Variants in DACH1 observed in about 807,000 individuals in gnomAD.
DACH1 encodes the protein dachshund homolog 1.
In DACH1, 12 loss-of-function variants were observed where a neutral mutation model predicts 54.2. The ratio of observed to expected loss-of-function variants is 0.22; its 90% CI spans 0.14 to 0.36. DACH1 has a LOEUF of 0.36. DACH1 is among the 10% of genes least tolerant of loss of function. The pLI is 1.00. For missense variants in DACH1, 805 were observed against 929.8 expected, an observed-to-expected ratio of 0.87 and a Z score of 1.75; for synonymous variants, 386 against 366.2, an observed-to-expected ratio of 1.05 and a Z score of -0.62.
intron 1 of DACH1, among the ~76,000 whole-genome samples, chr13:71,860,250 A>C (rs149186349): frequency 4.6e-5 from 7 of 151,504 alleles, no homozygotes; most frequent in Admixed American, 2.0e-4. Context: ...ATGCATGCAG[A>C]TATACATCTC....
intron 8 of DACH1, among the ~76,000 whole-genome samples, chr13:71,476,234 C>T (rs185409526): frequency 1.1e-3 from 167 of 152,230 alleles, no homozygotes; most frequent in Middle Eastern, 6.8e-3. Flanking sequence ...ATAGTGCAAA[C>T]GCTTATAAGC....
chr13:71,849,281 C>G (rs1018304026), intron 1 of DACH1, among the ~76,000 whole-genome samples: 2 of 152,156 alleles, frequency 1.3e-5, no homozygotes, highest in African/African-American at 2.4e-5. Flanking sequence ...CAACTAACTA[C>G]TTTACACACC....
At chr13:71,474,917 T>G (rs1877382622) in intron 10 of DACH1, among the ~76,000 whole-genome samples, 1 of 152,248 alleles carries the variant, frequency 6.6e-6, no homozygotes, top group Non-Finnish European at 1.5e-5. Context: ...AAATTAATTA[T>G]TCCTTTTAAT....
intron 1 of DACH1, among the ~76,000 whole-genome samples, chr13:71,793,158 T>C (rs1210007357): frequency 6.6e-6 from 1 of 152,214 alleles, no homozygotes; most frequent in Non-Finnish European, 1.5e-5. Flanking sequence ...AGCATATAGT[T>C]AAGCAGAAAT....
At chr13:71,493,605 G>T (rs867544383) in intron 6 of DACH1, among the ~76,000 whole-genome samples, 1 of 152,024 alleles carries the variant, frequency 6.6e-6, no homozygotes, top group African/African-American at 2.4e-5. Flanking sequence ...TAACTTAAAT[G>T]TTCAGTTAGT....
intron 1 of DACH1, among the ~76,000 whole-genome samples, chr13:71,750,748 C>T (rs1043942366): frequency 6.6e-6 from 1 of 152,052 alleles, no homozygotes; most frequent in Non-Finnish European, 1.5e-5. Context: ...AATATTTCTA[C>T]ACTGCTTACT....
At chr13:71,663,007 G>A (rs954075457) in intron 2 of DACH1, among the ~76,000 whole-genome samples, 4 of 151,798 alleles carry the variant, frequency 2.6e-5, no homozygotes, top group African/African-American at 7.3e-5. Flanking sequence ...TCTAAAGTGC[G>A]CATTTCACAA....
At chr13:71,815,958 G>T (rs1022944504) in intron 1 of DACH1, among the ~76,000 whole-genome samples, 2 of 151,960 alleles carry the variant, frequency 1.3e-5, no homozygotes, top group African/African-American at 4.8e-5. Flanking sequence ...GGTAGCGGGC[G>T]CCTGTAGTCC....
intron 6 of DACH1, among the ~76,000 whole-genome samples, chr13:71,509,660 T>C (rs775810076): frequency 2.0e-5 from 3 of 152,092 alleles, no homozygotes; most frequent in Admixed American, 1.3e-4. Context: ...AACAATGATA[T>C]TCAGTAAGTC....
At chr13:71,803,679 G>A (rs1887376757) in intron 1 of DACH1, among the ~76,000 whole-genome samples, 1 of 152,052 alleles carries the variant, frequency 6.6e-6, no homozygotes, top group Non-Finnish European at 1.5e-5. Flanking sequence ...TTATTTCGTG[G>A]AAAAAGCTTT....
chr13:71,617,746 T>A (rs942710720), intron 3 of DACH1, among the ~76,000 whole-genome samples: 2 of 152,220 alleles, frequency 1.3e-5, no homozygotes, highest in Non-Finnish European at 2.9e-5. Context: ...AGCTTGTATA[T>A]TCATTTTCTG....
intron 4 of DACH1, among the ~76,000 whole-genome samples, chr13:71,572,062 T>A (rs138736677): frequency 8.3e-4 from 127 of 152,306 alleles, no homozygotes; most frequent in Non-Finnish European, 1.5e-3. Context: ...ATAATTGTAA[T>A]GTCAAATAAT....
At chr13:71,463,956 G>A (rs1170514783) in intron 10 of DACH1, among the ~76,000 whole-genome samples, 1 of 151,978 alleles carries the variant, frequency 6.6e-6, no homozygotes, top group East Asian at 1.9e-4. Context: ...TGTGAGAGGA[G>A]AAACTCCTGC....
In DACH1 at chr13:71,471,707, G is replaced by A. The variant is rs555027695; in HGVS notation, c.2083+3434C>T. ...GTGGAGGTTATGGTGAACCGAGATG[G>A]TGCCACTGCACTCCAGCCTGGGCAA... On this transcript the variant is annotated intron_variant, in intron 10 of 10. Coordinates refer to ENST00000613252, the MANE Select transcript of DACH1 (RefSeq NM_080759.6). Among the ~76,000 whole-genome samples, 140 of 151,600 alleles carry A rather than the reference G, an allele frequency of 9.2e-4. 1 individual carries two copies. The highest frequency in any genetic ancestry group is 9.2e-3 in the Admixed American group (140 of 15,228).
At chr13:71,571,131 A>G (rs1375042797) in intron 4 of DACH1, among the ~76,000 whole-genome samples, 1 of 152,136 alleles carries the variant, frequency 6.6e-6, no homozygotes, top group African/African-American at 2.4e-5. Flanking sequence ...TACCTAAATG[A>G]GAGATTTTAG....
In DACH1 at chr13:71,767,163, ATTAAG is replaced by A. The variant is rs376727184; in HGVS notation, c.849-85258_849-85254del. Reference sequence around the variant, plus strand: ...TATATTTAACACTGTTTATCAATAAATTAAGTTAATATTAATTATTATCAATATAA... The same window carrying A: ...TATATTTAACACTGTTTATCAATAAATTAATATTAATTATTATCAATATAA... On this transcript the variant is annotated intron_variant, in intron 1 of 10. Transcript: ENST00000613252. Among the ~76,000 whole-genome samples the A allele has an allele frequency of 7.8e-4, 118 of 152,066 alleles. 1 individual carries two copies. In the East Asian group the frequency reaches 0.015, roughly 20 times the overall value.
rs557281918 is a variant in DACH1 at position 71,660,554 on chromosome 13, T to C, written c.964+21241A>G. Among the ~76,000 whole-genome samples, 4 of 152,172 alleles carry C rather than the reference T, an allele frequency of 2.6e-5. No individual in the cohort carries two copies. In the South Asian group the frequency reaches 6.2e-4, roughly 24 times the overall value. ...TGGGACGAGCAGAGGCATGGAGTTA[T>C]GAATTCAAATTCTCTGCCATTATCT... On this transcript the variant is annotated intron_variant, in intron 2 of 10. Coordinates refer to ENST00000613252, the MANE Select transcript of DACH1 (RefSeq NM_080759.6).
chr13:71,564,412 T>C (rs1277899913), intron 4 of DACH1, among the ~76,000 whole-genome samples: 1 of 151,540 alleles, frequency 6.6e-6, no homozygotes, highest in African/African-American at 2.4e-5. Context: ...TTTGCAATGT[T>C]CCATCTTTAT....
chr13:71,480,567 A>T (rs989317547), intron 7 of DACH1, among the ~76,000 whole-genome samples: 1 of 152,196 alleles, frequency 6.6e-6, no homozygotes, highest in Non-Finnish European at 1.5e-5. Flanking sequence ...CAATTCAGCA[A>T]TACAAAATGA....
Sources: gnomAD v4.1 joint callset for allele counts (sites outside exome capture counted in the v4.1 genomes callset) on GRCh38, gnomAD v4.1.1 for gene constraint, MANE v1.5 for transcripts, NCBI Gene and HGNC (gene_info 2026-07-23, HGNC 2026-07-21) for gene names.